Variants in MED13L observed in about 807,000 individuals in gnomAD.
MED13L encodes mediator complex subunit 13L, also known as mediator of RNA polymerase II transcription subunit 13-like.
A neutral mutation model predicts 220.9 loss-of-function variants in MED13L; 7 were observed. That is an observed-to-expected ratio of 0.03 (90% CI 0.02 to 0.06). The LOEUF is 0.06. Among genes scored for constraint, MED13L ranks in the 10% least tolerant of loss-of-function variants. The pLI is 1.00. For missense variants in MED13L, 1,965 were observed against 2,760.5 expected, an observed-to-expected ratio of 0.71 and a Z score of 6.46; for synonymous variants, 1,011 against 1,015.2, an observed-to-expected ratio of 1.00 and a Z score of 0.08.
chr12:116,275,753 A>C (rs1873766153), intron 1 of MED13L, among the ~76,000 whole-genome samples: 1 of 152,208 alleles, frequency 6.6e-6, no homozygotes, highest in Non-Finnish European at 1.5e-5. Context: ...CCCCCAAAAA[A>C]AACAGGGTAC....
rs1027990431 is a variant in MED13L, at chr12:115,996,352, A to G, written c.2996+124T>C. The G allele has an allele frequency of 3.9e-5, 43 of 1,108,924 alleles. No homozygotes were observed. The Middle Eastern group carries it at 8.4e-4, about 22-fold the overall frequency. 68.7% of individuals were successfully genotyped at this position (1,108,924 alleles called of 1,614,324 possible). A position where few individuals can be genotyped will look rare whatever the true frequency, so the allele number is the denominator to read the frequency against. Reference sequence around the variant, plus strand: ...AGTGATCTGCCCGCCTCCACCTCCCAAAGTGCTGGGATTACAGGCATGAGC... The same window carrying G: ...AGTGATCTGCCCGCCTCCACCTCCCGAAGTGCTGGGATTACAGGCATGAGC... On this transcript the variant is annotated intron_variant, in intron 16 of 30. Transcript: ENST00000281928.
At chr12:116,137,225 G>A (rs1876635319) in intron 2 of MED13L, among the ~76,000 whole-genome samples, 2 of 152,118 alleles carry the variant, frequency 1.3e-5, no homozygotes, top group Non-Finnish European at 1.5e-5. Flanking sequence ...GATGAATGAT[G>A]ATGTAGTGAT....
chr12:116,041,144 CAT>C (rs910316855), intron 4 of MED13L, among the ~76,000 whole-genome samples: 56 of 152,268 alleles, frequency 3.7e-4, no homozygotes, highest in Middle Eastern at 3.4e-3. Context: ...TTGTAATCCT[CAT>C]GTGTTGAGGG....
intron 2 of MED13L, among the ~76,000 whole-genome samples, chr12:116,149,893 T>A (rs979379474): frequency 3.3e-5 from 5 of 152,336 alleles, no homozygotes; most frequent in African/African-American, 1.2e-4. Context: ...ATAACATATT[T>A]TTAAAGGGCT....
intron 2 of MED13L, among the ~76,000 whole-genome samples, chr12:116,182,030 A>C (rs1880566085): frequency 1.3e-5 from 2 of 152,106 alleles, no homozygotes; most frequent in Admixed American, 6.5e-5. Context: ...GGAACTGGAA[A>C]ACTCCACAGG....
chr12:115,963,063 A>G (rs1384307389), intron 30 of MED13L, among the ~76,000 whole-genome samples: 1 of 152,162 alleles, frequency 6.6e-6, no homozygotes, highest in Non-Finnish European at 1.5e-5. Flanking sequence ...AGGAAGCATA[A>G]AAAGTGTTTT....
rs1429111450 is a variant in MED13L at position 115,969,000 on chromosome 12, T to G, written c.6165A>C (p.Pro2055=). The change falls in exon 28 of 31, where the codon CCA becomes CCC. Residue 2055 remains proline (P), a synonymous_variant. Transcript: ENST00000281928. ...CAGAAGGAGAGCCTGGGGAGGGTAC[T>G]GGGGAAGAGTTGGGAGAGGAATGGA... ...GNLHSSPNSS[P]VPSPGSPSGI... The G allele has an allele frequency of 3.1e-6, 5 of 1,613,960 alleles. No homozygotes were observed. Among genetic ancestry groups the G allele is most frequent in the Non-Finnish European group, 4.2e-6 (5 of 1,180,002 alleles).
At position 116,119,826 on chromosome 12, in the gene MED13L, A is replaced by T. The variant is rs1397054085; in HGVS notation, c.311-8314T>A. Among the ~76,000 whole-genome samples the T allele has an allele frequency of 5.2e-4, 61 of 116,802 alleles. No homozygotes were observed. The East Asian group carries it at 7.0e-3, about 13-fold the overall frequency. The allele number at this position is 116,802 out of a possible 152,430, so 76.6% of individuals were successfully genotyped here. A position where few individuals can be genotyped will look rare whatever the true frequency, so the allele number is the denominator to read the frequency against. On this transcript the variant is annotated intron_variant, in intron 2 of 30. Transcript: ENST00000281928. ...CATATCTTTAAAAAAAAAAAAAAAA[A>T]AAAAAAAAAAAAATATATATATATA...
At chr12:116,062,321 A>G (rs971245962) in intron 4 of MED13L, among the ~76,000 whole-genome samples, 3 of 151,242 alleles carry the variant, frequency 2.0e-5, no homozygotes, top group Non-Finnish European at 2.9e-5. Flanking sequence ...ACCAGCTAAT[A>G]TTTTGTATTT....
intron 2 of MED13L, among the ~76,000 whole-genome samples, chr12:116,125,202 G>A (rs115451812): frequency 0.019 from 2,965 of 152,302 alleles, 54 homozygotes; most frequent in Middle Eastern, 0.051. Context: ...CAGGCAATGT[G>A]GCAGGAGCCC....
At chr12:116,102,705 T>TTTTCC (rs1565878506) in intron 3 of MED13L, among the ~76,000 whole-genome samples, 7 of 89,286 alleles carry the variant, frequency 7.8e-5, no homozygotes, top group African/African-American at 3.0e-4. Context: ...TTCTTTTTCT[T>TTTTCC]TTTTCTTTTT....
rs145370918 is a variant in MED13L at position 116,207,968 on chromosome 12, G to A, written c.310+29500C>T. ...CAAATCTGGAGCATAAAATGTTCAA[G>A]ATAAGAAGGGAACATGTTGTCATAC... On this transcript the variant is annotated intron_variant, in intron 2 of 30. Transcript: ENST00000281928. Among the ~76,000 whole-genome samples the A allele has an allele frequency of 7.3e-3, 1,117 of 152,216 alleles. 19 individuals carry two copies. The highest frequency in any genetic ancestry group is 0.025 in the African/African-American group (1,051 of 41,520).
intron 4 of MED13L, among the ~76,000 whole-genome samples, chr12:116,074,298 A>C (rs1302377415): frequency 6.6e-6 from 1 of 152,154 alleles, no homozygotes; most frequent in Non-Finnish European, 1.5e-5. Context: ...GGGAGGCTGA[A>C]GCAGGAGAAT....
chr12:116,217,449 T>C (rs1027746110), intron 2 of MED13L, among the ~76,000 whole-genome samples: 1 of 152,170 alleles, frequency 6.6e-6, no homozygotes, highest in African/African-American at 2.4e-5. Flanking sequence ...TCAAACAGGA[T>C]TGGTAAAAGT....
chr12:116,049,329 T>C (rs868700018), intron 4 of MED13L, among the ~76,000 whole-genome samples: 1 of 152,182 alleles, frequency 6.6e-6, no homozygotes, highest in Non-Finnish European at 1.5e-5. Flanking sequence ...GGCTTGAAAT[T>C]AAAATGACTT....
At chr12:116,262,129 G>A (rs1488916738) in intron 1 of MED13L, among the ~76,000 whole-genome samples, 3 of 152,082 alleles carry the variant, frequency 2.0e-5, no homozygotes, top group Non-Finnish European at 4.4e-5. Context: ...AGGTATTAAA[G>A]AAAAGGTAAA....
chr12:116,183,805 TG>T, intron 2 of MED13L, among the ~76,000 whole-genome samples: 1 of 91,890 alleles, frequency 1.1e-5, no homozygotes, highest in Admixed American at 1.2e-4. Flanking sequence ...GAAAAAATGG[TG>T]TGTGTGTGTG....
At chr12:116,273,906 C>T (rs1446540956) in intron 1 of MED13L, among the ~76,000 whole-genome samples, 1 of 152,158 alleles carries the variant, frequency 6.6e-6, no homozygotes, top group Non-Finnish European at 1.5e-5. Flanking sequence ...AGTTCACATA[C>T]CATAGGGTGC....
intron 2 of MED13L, among the ~76,000 whole-genome samples, chr12:116,216,607 G>A (rs1333863161): frequency 6.6e-6 from 1 of 152,148 alleles, no homozygotes; most frequent in Non-Finnish European, 1.5e-5. Context: ...TGCTCACAGA[G>A]AACACCAAGT....
Sources: gnomAD v4.1 joint callset for allele counts (sites outside exome capture counted in the v4.1 genomes callset) on GRCh38, gnomAD v4.1.1 for gene constraint, MANE v1.5 for transcripts, NCBI Gene and HGNC (gene_info 2026-07-23, HGNC 2026-07-21) for gene names.